The following CUX2 variants were observed in gnomAD, a reference collection of about 807,000 sequenced individuals.
CUX2 encodes cut like homeobox 2.
In CUX2, 40 loss-of-function variants were observed where a neutral mutation model predicts 144.8. The observed-to-expected ratio is 0.28, with a 90% confidence interval of 0.21 to 0.36. The LOEUF is 0.36. Among genes scored for constraint, CUX2 ranks in the 10% least tolerant of loss-of-function variants. The pLI is 1.00. For missense variants in CUX2, 1,615 were observed against 1,994.0 expected, an observed-to-expected ratio of 0.81 and a Z score of 3.62; for synonymous variants, 827 against 875.6, an observed-to-expected ratio of 0.94 and a Z score of 0.98.
At chr12:111,042,929 C>T (rs1405591873) in intron 1 of CUX2, among the ~76,000 whole-genome samples, 1 of 152,036 alleles carries the variant, frequency 6.6e-6, no homozygotes, top group African/African-American at 2.4e-5. Context: ...AGCCACCGTG[C>T]CCAGCCTGTT....
intron 1 of CUX2, among the ~76,000 whole-genome samples, chr12:111,105,508 T>TGTGTGC (rs564028595): frequency 1.1e-4 from 16 of 152,278 alleles, no homozygotes; most frequent in African/African-American, 3.6e-4. Flanking sequence ...TGTGTGTGTG[T>TGTGTGC]GCTCACGCAC....
intron 3 of CUX2, among the ~76,000 whole-genome samples, chr12:111,251,461 A>T (rs1883557202): frequency 6.6e-6 from 1 of 152,178 alleles, no homozygotes; most frequent in Non-Finnish European, 1.5e-5. Context: ...GACATAATTG[A>T]TGATTACACT....
At chr12:111,260,381 G>A (rs188989383) in intron 3 of CUX2, among the ~76,000 whole-genome samples, 7 of 151,620 alleles carry the variant, frequency 4.6e-5, no homozygotes, top group African/African-American at 7.3e-5. Flanking sequence ...GGAGGATGGC[G>A]TGAACCCAGA....
At chr12:111,064,090 T>A (rs1870922101) in intron 1 of CUX2, among the ~76,000 whole-genome samples, 1 of 152,112 alleles carries the variant, frequency 6.6e-6, no homozygotes, top group African/African-American at 2.4e-5. Flanking sequence ...AAAATCAAGG[T>A]AGAAGGAGCC....
chr12:111,236,797 T>C (rs1016273316), intron 3 of CUX2, among the ~76,000 whole-genome samples: 1 of 152,260 alleles, frequency 6.6e-6, no homozygotes, highest in Non-Finnish European at 1.5e-5. Flanking sequence ...ATCTGCGTTT[T>C]AGTATTCTTT....
rs200565183 is a variant in CUX2, at chr12:111,155,935, AT to A, written c.64-58264del. On this transcript the variant is annotated intron_variant, in intron 1 of 21. Transcript: ENST00000261726. ...ACAGCTTAAAAAATAAAAAAAAAAA[AT>A]AAAAATAAAAACCAGCCAACAATAA... Among the ~76,000 whole-genome samples the A allele has an allele frequency of 1.1e-3, 161 of 147,212 alleles. 1 individual carries two copies. Among genetic ancestry groups the A allele is most frequent in the African/African-American group, 4.1e-3 (154 of 37,258 alleles).
At chr12:111,338,546 C>T in intron 20 of CUX2, 72 bp downstream of exon 20, 1 of 1,419,274 alleles carries the variant, frequency 7.0e-7, no homozygotes, top group Non-Finnish European at 9.6e-7. Context: ...CTAGCTGTAA[C>T]CCACATAAAC....
rs191719284 is a variant in CUX2 at position 111,061,574 on chromosome 12, C to T, written c.63+27334C>T. ...TGGTGTGTGTTTCTGTCTACACCCTCGTCCTGCTTTGCCCGCCTAAGTACA... is the reference window on the plus strand; with the variant it reads ...TGGTGTGTGTTTCTGTCTACACCCTTGTCCTGCTTTGCCCGCCTAAGTACA... On this transcript the variant is annotated intron_variant, in intron 1 of 21. Coordinates refer to ENST00000261726, the MANE Select transcript of CUX2 (RefSeq NM_015267.4). The surrounding 1 kb of genome is among the most constrained non-coding windows in gnomAD (Gnocchi z 4.2). Among the ~76,000 whole-genome samples, 14 of 152,274 alleles carry T rather than the reference C, an allele frequency of 9.2e-5. No homozygotes were observed. Among genetic ancestry groups the T allele is most frequent in the African/African-American group, 2.9e-4 (12 of 41,504 alleles).
At chr12:111,054,396 T>C (rs771225077) in intron 1 of CUX2, among the ~76,000 whole-genome samples, 1 of 152,216 alleles carries the variant, frequency 6.6e-6, no homozygotes, top group Non-Finnish European at 1.5e-5. Flanking sequence ...TTGTGACTGG[T>C]GTGGAGGTGA....
At chr12:111,213,116 T>C (rs187504808) in intron 1 of CUX2, among the ~76,000 whole-genome samples, 1 of 152,324 alleles carries the variant, frequency 6.6e-6, no homozygotes, top group East Asian at 1.9e-4. Context: ...ATTGCAGAAA[T>C]TTATTGCATC....
At position 111,125,295 on chromosome 12, in the gene CUX2, T is replaced by C. The variant is rs149468668; in HGVS notation, c.64-88905T>C. Among the ~76,000 whole-genome samples, 901 of 152,038 alleles carry C rather than the reference T, an allele frequency of 5.9e-3. 9 individuals are homozygous for C. The highest frequency in any genetic ancestry group is 0.021 in the African/African-American group (852 of 41,466). ...CTTGGGTTCAAGCGATTCTCCTGCC[T>C]CAGCCACCTGAGTAGCTGGGACTCC... On this transcript the variant is annotated intron_variant, in intron 1 of 21. Transcript: ENST00000261726.
chr12:111,078,979 A>G (rs79266470), intron 1 of CUX2, among the ~76,000 whole-genome samples: 4,572 of 152,282 alleles, frequency 0.03, 254 homozygotes, highest in African/African-American at 0.1. Context: ...CCCCAAGCCT[A>G]TCCTGGCCTG....
At chr12:111,144,582 CA>C (rs926820320) in intron 1 of CUX2, among the ~76,000 whole-genome samples, 2 of 152,240 alleles carry the variant, frequency 1.3e-5, no homozygotes, top group Non-Finnish European at 2.9e-5. Flanking sequence ...CAGTGGGGGA[CA>C]TGCATATTTC....
chr12:111,050,179 C>T (rs568711571), intron 1 of CUX2, among the ~76,000 whole-genome samples: 144 of 152,124 alleles, frequency 9.5e-4, no homozygotes, highest in African/African-American at 3.2e-3. Context: ...CCCTCTTGGC[C>T]CTCCTGATAC....
At chr12:111,142,571 A>G (rs1876398882) in intron 1 of CUX2, among the ~76,000 whole-genome samples, 1 of 150,172 alleles carries the variant, frequency 6.7e-6, no homozygotes, top group Non-Finnish European at 1.5e-5. Flanking sequence ...GTGTTGTTGC[A>G]CTTTGGAGAT....
rs749568104 is a variant in CUX2, at chr12:111,320,171, G to T, written c.2162G>T (p.Arg721Leu). The T allele has an allele frequency of 2.0e-6, 3 of 1,536,528 alleles. No individual in the cohort carries two copies. The highest frequency in any genetic ancestry group is 2.6e-6 in the Non-Finnish European group (3 of 1,145,892). The part of the protein sequence containing the change: ...LLEMEVAPRG[R>L]SVPPSPPERP... ...GAGATGGAGGTGGCGCCCAGGGGCC[G>T]CTCGGTGCCCCCCTCGCCCCCGGAG... is the stretch of plus-strand genomic sequence containing the variant. The change falls in exon 17 of 22, where the codon CGC (arginine) becomes CTC (leucine). Residue 721 changes from arginine (R) to leucine (L), a missense_variant. Physicochemically the swap from Arg to Leu is moderately radical, Grantham distance 102. Coordinates refer to ENST00000261726, the MANE Select transcript of CUX2 (RefSeq NM_015267.4). The surrounding 1 kb of genome is among the most constrained non-coding windows in gnomAD (Gnocchi z 8.1).
At position 111,310,004 on chromosome 12, in the gene CUX2, C is replaced by T. The variant is rs1886801847; in HGVS notation, c.1259-37C>T. Reference sequence around the variant, plus strand: ...CTCTCTCCCCTCATCATCGTCTTCCCCGTCTGTCTGTCTGTCTGTCTGTCT... The same window carrying T: ...CTCTCTCCCCTCATCATCGTCTTCCTCGTCTGTCTGTCTGTCTGTCTGTCT... On this transcript the variant is annotated intron_variant, in intron 14 of 21. Transcript: ENST00000261726. This position sits in a 1 kb window ranked among gnomAD's most constrained non-coding sequence, Gnocchi z 7.9. The T allele has an allele frequency of 1.6e-6, 2 of 1,275,806 alleles. No homozygotes were observed. The highest frequency in any genetic ancestry group is 3.8e-5 in the Admixed American group (1 of 26,016). The allele number at this position is 1,275,806 out of a possible 1,614,324, so 79.0% of individuals were successfully genotyped here.
chr12:111,335,794 T>C, intron 19 of CUX2, among the ~76,000 whole-genome samples: 1 of 152,068 alleles, frequency 6.6e-6, no homozygotes, highest in Non-Finnish European at 1.5e-5. Flanking sequence ...ATGCCTATAG[T>C]CCTCAGGAAG....
chr12:111,050,057 C>G (rs745770354), intron 1 of CUX2, among the ~76,000 whole-genome samples: 4 of 152,110 alleles, frequency 2.6e-5, no homozygotes, highest in Non-Finnish European at 5.9e-5. Context: ...GGCAGAGAAA[C>G]CCTTCACCTA....
Sources: gnomAD v4.1 joint callset for allele counts (sites outside exome capture counted in the v4.1 genomes callset) on GRCh38, gnomAD v4.1.1 for gene constraint, Gnocchi (gnomAD v3.1) non-coding constraint, MANE v1.5 for transcripts, NCBI Gene and HGNC (gene_info 2026-07-23, HGNC 2026-07-21) for gene names.